The following TENM3 variants were observed in gnomAD, a reference collection of about 807,000 sequenced individuals.
TENM3 encodes the protein teneurin transmembrane protein 3.
In TENM3, 63 loss-of-function variants were observed where a neutral mutation model predicts 255.1. The ratio of observed to expected loss-of-function variants is 0.25; its 90% confidence interval spans 0.20 to 0.30. TENM3 has a LOEUF of 0.30. Among genes scored for constraint, TENM3 ranks in the 10% least tolerant of loss-of-function variants. TENM3 has a pLI of 1.00. For missense variants in TENM3, 2,929 were observed against 3,461.1 expected (o/e 0.85, Z 3.86); for synonymous variants, 1,306 against 1,322.3 (o/e 0.99, Z 0.27).
the TENM3 span, among the ~76,000 whole-genome samples, chr4:181,831,707 T>G: frequency 6.6e-6 from 1 of 152,142 alleles, no homozygotes; most frequent in Admixed American, 6.5e-5. Context: ...AGAACAAAGC[T>G]TTGTAGAGAA....
chr4:181,949,724 C>A, the TENM3 span, among the ~76,000 whole-genome samples: 1 of 152,170 alleles, frequency 6.6e-6, no homozygotes, highest in African/African-American at 2.4e-5. Context: ...TCACAATGAT[C>A]ATCACAATGG....
At chr4:181,474,973 C>A in the TENM3 span, among the ~76,000 whole-genome samples, 3 of 152,104 alleles carry the variant, frequency 2.0e-5, no homozygotes, top group African/African-American at 7.2e-5. Flanking sequence ...AATTTAATAA[C>A]TGTGCAATAA....
At chr4:182,166,289 T>C (rs1304663992) in intron 1 of TENM3, among the ~76,000 whole-genome samples, 1 of 152,182 alleles carries the variant, frequency 6.6e-6, no homozygotes, top group African/African-American at 2.4e-5. Flanking sequence ...TAGCACCTTT[T>C]TCTAAAGCCA....
At chr4:182,407,210 T>TAA (rs1461272249) in intron 3 of TENM3, among the ~76,000 whole-genome samples, 1 of 152,192 alleles carries the variant, frequency 6.6e-6, no homozygotes, top group East Asian at 1.9e-4. Flanking sequence ...TCACATAAAA[T>TAA]AAAATCAATG....
chr4:182,194,797 A>T (rs1217113662), intron 1 of TENM3, among the ~76,000 whole-genome samples: 1 of 152,244 alleles, frequency 6.6e-6, no homozygotes, highest in Non-Finnish European at 1.5e-5. Flanking sequence ...TTATAATTAC[A>T]TGAATCTTAA....
the TENM3 span, among the ~76,000 whole-genome samples, chr4:181,581,174 G>A: frequency 1.3e-5 from 2 of 152,060 alleles, no homozygotes; most frequent in Non-Finnish European, 2.9e-5. Context: ...GGTGCAGTGA[G>A]TCACGCCTGT....
At chr4:182,700,059 G>A (rs1757731250) in intron 12 of TENM3, among the ~76,000 whole-genome samples, 1 of 152,138 alleles carries the variant, frequency 6.6e-6, no homozygotes, top group South Asian at 2.1e-4. Context: ...ATATCAGCAA[G>A]GAAGAGAAAG....
the TENM3 span, among the ~76,000 whole-genome samples, chr4:181,871,691 T>C: frequency 6.6e-6 from 1 of 152,160 alleles, no homozygotes; most frequent in Non-Finnish European, 1.5e-5. Flanking sequence ...TGACATTAAC[T>C]TCAGGCTTTT....
the TENM3 span, among the ~76,000 whole-genome samples, chr4:181,667,760 G>A: frequency 6.6e-6 from 1 of 152,126 alleles, no homozygotes; most frequent in Non-Finnish European, 1.5e-5. Flanking sequence ...TAGGTACTTT[G>A]TTATAGCCTC....
chr4:181,819,713 G>T, the TENM3 span, among the ~76,000 whole-genome samples: 1 of 152,176 alleles, frequency 6.6e-6, no homozygotes, highest in African/African-American at 2.4e-5. Flanking sequence ...CCCATGTGGA[G>T]TTCACGATAA....
intron 1 of TENM3, among the ~76,000 whole-genome samples, chr4:182,269,466 G>A (rs539798438): frequency 1.6e-4 from 25 of 152,304 alleles, no homozygotes; most frequent in Non-Finnish European, 3.1e-4. Context: ...GCTGTTGAGT[G>A]TAGGAATTAA....
chr4:182,412,246 C>T (rs1179079982), intron 3 of TENM3, among the ~76,000 whole-genome samples: 1 of 152,070 alleles, frequency 6.6e-6, no homozygotes, highest in Non-Finnish European at 1.5e-5. Context: ...GTGTAATACA[C>T]CCAGGTTCAT....
chr4:182,603,908 C>T (rs1748157924), intron 4 of TENM3, among the ~76,000 whole-genome samples: 2 of 151,714 alleles, frequency 1.3e-5, no homozygotes, highest in African/African-American at 4.8e-5. Context: ...CTCTTAGTTC[C>T]TCCCCCTTTT....
In TENM3 at chr4:182,754,753, A is replaced by G; in HGVS notation, c.4386A>G (p.Gly1462=). The change falls in exon 22 of 28, where the codon GGA becomes GGG. Residue 1462 remains glycine (G), a synonymous_variant. Transcript: ENST00000511685. The surrounding 1 kb of genome is among the most constrained non-coding windows in gnomAD (Gnocchi z 5.1). ...NDANCDCYQS[G]DGYAKDAKLS... ...CCAACTGTGACTGTTACCAGAGTGG[A>G]GATGGCTACGCCAAGGATGCCAAAC... The G allele has an allele frequency of 6.2e-7, 1 of 1,614,082 alleles. No individual in the cohort carries two copies. Among genetic ancestry groups the G allele is most frequent in the African/African-American group, 1.3e-5 (1 of 75,072 alleles).
At chr4:182,196,492 G>A (rs1753841593) in intron 1 of TENM3, among the ~76,000 whole-genome samples, 1 of 152,122 alleles carries the variant, frequency 6.6e-6, no homozygotes, top group South Asian at 2.1e-4. Flanking sequence ...GTCAAGGCAA[G>A]CAAGTTCTGG....
chr4:182,363,293 A>T (rs1276379317), intron 3 of TENM3, among the ~76,000 whole-genome samples: 2 of 152,046 alleles, frequency 1.3e-5, no homozygotes, highest in East Asian at 3.9e-4. Context: ...ATATATATTC[A>T]TATAGATGTG....
At chr4:181,827,296 A>AT in the TENM3 span, among the ~76,000 whole-genome samples, 3 of 152,144 alleles carry the variant, frequency 2.0e-5, no homozygotes, top group African/African-American at 7.2e-5. Flanking sequence ...ACTTTGTAAG[A>AT]TTTTTCCCTC....
chr4:182,316,499 AAT>A (rs957367561), intron 1 of TENM3, among the ~76,000 whole-genome samples: 1 of 152,084 alleles, frequency 6.6e-6, no homozygotes, highest in Non-Finnish European at 1.5e-5. Context: ...AATATCTAGA[AAT>A]ATTTTTGATT....
chr4:181,696,232 T>C, the TENM3 span, among the ~76,000 whole-genome samples: 1 of 152,176 alleles, frequency 6.6e-6, no homozygotes, highest in Non-Finnish European at 1.5e-5. Flanking sequence ...AATAGAAATC[T>C]TGTAATGATA....
Sources: gnomAD v4.1 joint callset for allele counts (sites outside exome capture counted in the v4.1 genomes callset) on GRCh38, gnomAD v4.1.1 for gene constraint, Gnocchi (gnomAD v3.1) non-coding constraint, MANE v1.5 for transcripts, NCBI Gene and HGNC (gene_info 2026-07-23, HGNC 2026-07-21) for gene names.